Variants in FAM185A observed in about 807,000 individuals in gnomAD.
FAM185A encodes the protein protein FAM185A.
Under a neutral mutation model 45.7 loss-of-function variants are expected in FAM185A, and 21 were observed. The ratio of observed to expected loss-of-function variants is 0.46; its 90% CI spans 0.33 to 0.66. The LOEUF (loss-of-function observed/expected upper bound fraction) is 0.66, where lower values mean the gene tolerates loss of function less well. Ranked by LOEUF, FAM185A falls within the 30% of genes least tolerant of loss-of-function variation. FAM185A has a pLI of 0.03. For missense variants in FAM185A, 305 were observed against 485.4 expected, an observed-to-expected ratio of 0.63 and a Z score of 3.49; for synonymous variants, 117 against 194.0, an observed-to-expected ratio of 0.60 and a Z score of 3.30.
intron 7 of FAM185A, among the ~76,000 whole-genome samples, chr7:102,791,628 T>C (rs2129442509): frequency 6.6e-6 from 1 of 152,328 alleles, no homozygotes; most frequent in African/African-American, 2.4e-5. Context: ...TGATCAAGCA[T>C]CGTTTTGCAG....
the FAM185A span, among the ~76,000 whole-genome samples, chr7:102,840,701 T>C: frequency 6.6e-6 from 1 of 152,108 alleles, no homozygotes; most frequent in Non-Finnish European, 1.5e-5. Context: ...TAAGAGGTGA[T>C]CTAATCAAGG....
At chr7:102,781,146 G>A (rs780247203) in intron 6 of FAM185A, among the ~76,000 whole-genome samples, 7 of 152,180 alleles carry the variant, frequency 4.6e-5, no homozygotes, top group Non-Finnish European at 8.8e-5. Context: ...GCTTGAGTAG[G>A]TAAACAAGTG....
chr7:102,784,269 G>T (rs377646775), intron 6 of FAM185A, among the ~76,000 whole-genome samples: 2 of 151,628 alleles, frequency 1.3e-5, no homozygotes, highest in African/African-American at 2.4e-5. Flanking sequence ...GGAGGAGCTG[G>T]TACCATTCCT....
chr7:102,757,782 G>A (rs1057262694), intron 2 of FAM185A, 72 bp from the exon 3 acceptor site: 2 of 1,250,278 alleles, frequency 1.6e-6, no homozygotes, highest in African/African-American at 1.5e-5. Context: ...CAGAAATATT[G>A]AAAATGTTTC....
At chr7:102,777,004 A>G (rs867200718) in intron 5 of FAM185A, among the ~76,000 whole-genome samples, 5 of 152,154 alleles carry the variant, frequency 3.3e-5, no homozygotes, top group Admixed American at 3.3e-4. Context: ...TTTTAGAGTA[A>G]ATGTTTAGAG....
intron 6 of FAM185A, among the ~76,000 whole-genome samples, chr7:102,786,143 A>G (rs1285933182): frequency 5.9e-5 from 9 of 152,264 alleles, no homozygotes; most frequent in Non-Finnish European, 8.8e-5. Flanking sequence ...ACCATCTCAC[A>G]CCAGTTAGAA....
At chr7:102,825,568 G>A in the FAM185A span, among the ~76,000 whole-genome samples, 3 of 152,170 alleles carry the variant, frequency 2.0e-5, no homozygotes, top group East Asian at 1.9e-4. Context: ...AACAGAAAAC[G>A]GACTAAGACA....
chr7:102,792,065 A>G (rs2537404), intron 7 of FAM185A, among the ~76,000 whole-genome samples: 30,204 of 99,956 alleles, frequency 0.3, 5,924 homozygotes, highest in African/African-American at 0.56. Context: ...TTATTGCTAA[A>G]AGCCTGGATT....
At chr7:102,783,336 A>T (rs1341726192) in intron 6 of FAM185A, among the ~76,000 whole-genome samples, 1 of 152,168 alleles carries the variant, frequency 6.6e-6, no homozygotes, top group Non-Finnish European at 1.5e-5. Context: ...CCCCAAATCA[A>T]CAGAATATAC....
At chr7:102,803,446 A>G (rs1796914951) in intron 7 of FAM185A, among the ~76,000 whole-genome samples, 1 of 152,230 alleles carries the variant, frequency 6.6e-6, no homozygotes, top group Non-Finnish European at 1.5e-5. Context: ...GATCATCTCA[A>G]TAGATGCAGA....
chr7:102,821,856 G>C, the FAM185A span, among the ~76,000 whole-genome samples: 1 of 152,260 alleles, frequency 6.6e-6, no homozygotes, highest in South Asian at 2.1e-4. Flanking sequence ...CTGGAAAAGG[G>C]ATAGGAAACC....
At chr7:102,839,257 T>A in the FAM185A span, among the ~76,000 whole-genome samples, 1 of 152,210 alleles carries the variant, frequency 6.6e-6, no homozygotes, top group African/African-American at 2.4e-5. Flanking sequence ...ATTTTCTTGC[T>A]GACCTTCTCC....
the FAM185A span, among the ~76,000 whole-genome samples, chr7:102,845,877 T>G: frequency 3.9e-5 from 6 of 152,142 alleles, no homozygotes; most frequent in Non-Finnish European, 5.9e-5. Context: ...CTCGCCTGAA[T>G]CCTCCCATAG....
chr7:102,810,189 A>G (rs887454920), downstream of FAM185A, among the ~76,000 whole-genome samples: 10 of 152,190 alleles, frequency 6.6e-5, no homozygotes, highest in Admixed American at 6.5e-4. Context: ...AGAATGGCCT[A>G]AATCGCTTGG....
chr7:102,841,586 G>A, the FAM185A span, among the ~76,000 whole-genome samples: 5 of 152,140 alleles, frequency 3.3e-5, no homozygotes, highest in African/African-American at 1.2e-4. Flanking sequence ...TACAGACAAT[G>A]GGAAACTGAC....
the FAM185A span, among the ~76,000 whole-genome samples, chr7:102,841,008 G>T: frequency 1.3e-5 from 2 of 152,032 alleles, no homozygotes; most frequent in Non-Finnish European, 2.9e-5. Context: ...AAATTTAACT[G>T]GAATTGATAG....
chr7:102,749,910 A>G (rs183146666), intron 1 of FAM185A, among the ~76,000 whole-genome samples: 1 of 152,302 alleles, frequency 6.6e-6, no homozygotes, highest in Non-Finnish European at 1.5e-5. Context: ...GTCAAATTCT[A>G]TTTCTGGAGC....
At chr7:102,832,693 C>A in the FAM185A span, 1 of 970,060 alleles carries the variant, frequency 1.0e-6, no homozygotes, top group Non-Finnish European at 1.4e-6. Flanking sequence ...AAGCTATTTC[C>A]AATTTGAGGA....
At chr7:102,760,241 CTAAG>C (rs1349696357) in intron 3 of FAM185A, among the ~76,000 whole-genome samples, 2 of 151,810 alleles carry the variant, frequency 1.3e-5, no homozygotes, top group African/African-American at 4.8e-5. Context: ...TTCATAATAA[CTAAG>C]TGAAAAATTT....
Sources: gnomAD v4.1 joint callset for allele counts (sites outside exome capture counted in the v4.1 genomes callset) on GRCh38, gnomAD v4.1.1 for gene constraint, MANE v1.5 for transcripts, NCBI Gene and HGNC (gene_info 2026-07-23, HGNC 2026-07-21) for gene names.